FAAH: variants seen among roughly 807,000 people sequenced by gnomAD.
The protein encoded by FAAH is fatty acid amide hydrolase.
A neutral mutation model predicts 69.7 loss-of-function variants in FAAH; 63 were observed. The observed-to-expected ratio is 0.90, with a 90% CI of 0.74 to 1.12. FAAH has a LOEUF of 1.12. FAAH is among the 50% of genes most tolerant of loss of function. The pLI, the probability that FAAH is intolerant of heterozygous loss-of-function variation, is 0.00. For missense variants in FAAH, 680 were observed against 755.0 expected (o/e 0.90, Z 1.16); for synonymous variants, 305 against 324.2 (o/e 0.94, Z 0.64).
chr1:46,409,057 C>G (rs747570272), intron 8 of FAAH, 44 bp from the exon 9 acceptor site: 24 of 1,520,156 alleles, frequency 1.6e-5, no homozygotes, highest in Non-Finnish European at 2.2e-5. Flanking sequence ...GATCATGAAG[C>G]CAGTTGTTAG....
intron 1 of FAAH, among the ~76,000 whole-genome samples, chr1:46,397,438 G>T (rs1395775922): frequency 1.3e-5 from 2 of 152,216 alleles, no homozygotes; most frequent in Admixed American, 1.3e-4. Flanking sequence ...GAGGAGAAGC[G>T]GGAAATTACC....
chr1:46,412,287 T>C (rs1027413834), intron 13 of FAAH, 36 bp downstream of exon 13: 2 of 1,507,306 alleles, frequency 1.3e-6, no homozygotes, highest in African/African-American at 2.8e-5. Context: ...CTTCTGTGAA[T>C]CTGGCCATGT....
intron 2 of FAAH, among the ~76,000 whole-genome samples, chr1:46,402,521 T>C (rs1033741098): frequency 6.7e-6 from 1 of 148,658 alleles, no homozygotes; most frequent in Non-Finnish European, 1.5e-5. Flanking sequence ...TGTTCCCTTC[T>C]TTTTTTTTGA....
At chr1:46,412,795 A>T (rs868286445) in intron 13 of FAAH, among the ~76,000 whole-genome samples, 3 of 152,160 alleles carry the variant, frequency 2.0e-5, no homozygotes, top group Non-Finnish European at 2.9e-5. Context: ...TGGGTGACAG[A>T]GTGAGACTGT....
Position 46,413,712 on chromosome 1 carries a change from C to A in FAAH, c.*137C>A. Reference sequence around the variant, plus strand: ...CCGTGTCCTCTCCCCCAACCCCCTGCAAGAAGCGCCGACTCCCTGAGTCTG... The same window carrying A: ...CCGTGTCCTCTCCCCCAACCCCCTGAAAGAAGCGCCGACTCCCTGAGTCTG... On this transcript the variant is annotated 3_prime_UTR_variant, in exon 15 of 15. Transcript: ENST00000243167. The A allele has an allele frequency of 3.9e-6, 5 of 1,272,766 alleles. No homozygotes were observed. Among genetic ancestry groups the A allele is most frequent in the Non-Finnish European group, 5.5e-6 (5 of 903,876 alleles). 78.8% of individuals were successfully genotyped at this position (1,272,766 alleles called of 1,614,324 possible). A position where few individuals can be genotyped will look rare whatever the true frequency, so the allele number is the denominator to read the frequency against.
At chr1:46,403,498 C>T (rs1664740174) in intron 2 of FAAH, among the ~76,000 whole-genome samples, 1 of 152,238 alleles carries the variant, frequency 6.6e-6, no homozygotes, top group Non-Finnish European at 1.5e-5. Flanking sequence ...GCCTCCTGGT[C>T]AGGTGCCCTC....
At chr1:46,397,240 C>T (rs78365832) in intron 1 of FAAH, among the ~76,000 whole-genome samples, 81 of 152,376 alleles carry the variant, frequency 5.3e-4, no homozygotes, top group African/African-American at 1.8e-3. Context: ...GCAGAACTCC[C>T]CTCCTGGTTG....
chr1:46,405,462 G>T lies in FAAH; in HGVS notation c.535G>T (p.Ala179Ser). Residue 179 changes from alanine (A) to serine (S), a missense_variant, in exon 4 of 15, where the codon GCC becomes TCC. Ala to Ser is a moderately conservative substitution (Grantham distance 99). Transcript: ENST00000243167. This position sits in a 1 kb window ranked among gnomAD's most constrained non-coding sequence, Gnocchi z 4.1. ...VVVHVLKLQG[A>S]VPFVHTNVPQ... ...GGTGCATGTGCTGAAGCTGCAGGGT[G>T]CCGTGCCCTTCGTGCACACCAATGT... 1 of 1,611,550 alleles carries T rather than the reference G, an allele frequency of 6.2e-7. No homozygotes were observed. Among genetic ancestry groups the T allele is most frequent in the African/African-American group, 1.3e-5 (1 of 74,120 alleles).
chr1:46,410,770 G>A lies in FAAH; in HGVS notation c.1276-44G>A, dbSNP rs45516595. The A allele has an allele frequency of 1.7e-5, 27 of 1,613,436 alleles. No individual in the cohort carries two copies. In the Admixed American group the frequency reaches 3.2e-4, roughly 19 times the overall value. ...GGCCTGAAGAAGGTTGACGTCTGCC[G>A]TGGCCCAGAGCTGAGTCACCGACCC... On this transcript the variant is annotated intron_variant, in intron 10 of 14. Coordinates refer to ENST00000243167, the MANE Select transcript of FAAH (RefSeq NM_001441.3). The surrounding 1 kb of genome is among the most constrained non-coding windows in gnomAD (Gnocchi z 4.9).
rs1664783335 is a variant in FAAH at position 46,405,807 on chromosome 1, G to A, written c.785+13G>A. On this transcript the variant is annotated intron_variant, in intron 5 of 14. Transcript: ENST00000243167. The surrounding 1 kb of genome is among the most constrained non-coding windows in gnomAD (Gnocchi z 4.1). Reference sequence around the variant, plus strand: ...GGAACCGCCTCAGGTAAGGTGGGTGGAGGGCGCTTCTGGGCCCCTCGCTGT... The same window carrying A: ...GGAACCGCCTCAGGTAAGGTGGGTGAAGGGCGCTTCTGGGCCCCTCGCTGT... The A allele has an allele frequency of 6.2e-7, 1 of 1,613,060 alleles. No individual in the cohort carries two copies. The highest frequency in any genetic ancestry group is 1.7e-5 in the Admixed American group (1 of 60,014).
rs755424671 is a variant in FAAH at position 46,405,678 on chromosome 1, C to T, written c.669C>T (p.Ala223=). ...SPGGSSGGEG[A]LIGSGGSPLG... ...GGGGCTCCTCAGGGGGTGAAGGGGC[C>T]CTCATCGGGTCTGGAGGCTCCCCCC... The change falls in exon 5 of 15, where the codon GCC becomes GCT. Residue 223 remains alanine (A), a synonymous_variant. Transcript: ENST00000243167. The surrounding 1 kb of genome is among the most constrained non-coding windows in gnomAD (Gnocchi z 4.1). 6.2e-7 allele frequency: 1 copy of T among 1,613,582 alleles called. No homozygotes were observed. Among genetic ancestry groups the T allele is most frequent in the Non-Finnish European group, 8.5e-7 (1 of 1,180,044 alleles).
At chr1:46,395,176 G>C (rs1664575053) in intron 1 of FAAH, among the ~76,000 whole-genome samples, 1 of 152,198 alleles carries the variant, frequency 6.6e-6, no homozygotes. Context: ...CCTGACCTCA[G>C]TTGATACACC....
chr1:46,408,408 C>T (rs749426062), intron 7 of FAAH, 51 bp from the exon 8 acceptor site: 2 of 1,613,558 alleles, frequency 1.2e-6, no homozygotes, highest in South Asian at 1.1e-5. Context: ...GGGGTCCTGC[C>T]TAGGGTTGTC....
At position 46,413,729 on chromosome 1, in the gene FAAH, C is replaced by G; in HGVS notation, c.*154C>G. On this transcript the variant is annotated 3_prime_UTR_variant, in exon 15 of 15. Transcript: ENST00000243167. ...ACCCCCTGCAAGAAGCGCCGACTCC[C>G]TGAGTCTGGACCTCCATCCCTGCTC... is the stretch of plus-strand genomic sequence containing the variant. 9.2e-7 allele frequency: 1 copy of G among 1,082,822 alleles called. No individual in the cohort carries two copies. The allele number at this position is 1,082,822 out of a possible 1,614,324, so 67.1% of individuals were successfully genotyped here.
intron 1 of FAAH, among the ~76,000 whole-genome samples, chr1:46,395,403 G>A (rs984603039): frequency 6.6e-6 from 1 of 152,206 alleles, no homozygotes; most frequent in Non-Finnish European, 1.5e-5. Flanking sequence ...TTTAGTTCCA[G>A]CCCTCCGTGG....
In FAAH at chr1:46,413,691, G is replaced by A; in HGVS notation, c.*116G>A. On this transcript the variant is annotated 3_prime_UTR_variant, in exon 15 of 15. Coordinates refer to ENST00000243167, the MANE Select transcript of FAAH (RefSeq NM_001441.3). ...TCCTGCATGGGGCAGAGGCTTCCGT[G>A]TCCTCTCCCCCAACCCCCTGCAAGA... The A allele has an allele frequency of 6.7e-7, 1 of 1,482,352 alleles. No individual in the cohort carries two copies. The highest frequency in any genetic ancestry group is 9.3e-7 in the Non-Finnish European group (1 of 1,078,544). The allele number at this position is 1,482,352 out of a possible 1,614,324, so 91.8% of individuals were successfully genotyped here. A position where few individuals can be genotyped will look rare whatever the true frequency, so the allele number is the denominator to read the frequency against.
At chr1:46,402,055 G>C (rs200178333) in intron 1 of FAAH, 36 bp from the exon 2 acceptor site, 2 of 1,546,836 alleles carry the variant, frequency 1.3e-6, no homozygotes, top group Non-Finnish European at 8.8e-7. Flanking sequence ...TGAGACTTCG[G>C]CGAGTAGGGG....
In FAAH at chr1:46,411,136, G is replaced by GT. The variant is rs1664906529; in HGVS notation, c.1316+283dup. On this transcript the variant is annotated intron_variant, in intron 11 of 14. Coordinates refer to ENST00000243167, the MANE Select transcript of FAAH (RefSeq NM_001441.3). This position sits in a 1 kb window ranked among gnomAD's most constrained non-coding sequence, Gnocchi z 4.8. ...GGGCATGAGTGGAAAGGACCAGGAA[G>GT]TGGGGGTTGGCCTGGGCCAAGGGTG... Among the ~76,000 whole-genome samples, 1 of 152,242 alleles carries GT rather than the reference G, an allele frequency of 6.6e-6. No individual in the cohort carries two copies. Among genetic ancestry groups the GT allele is most frequent in the South Asian group, 2.1e-4 (1 of 4,836 alleles).
chr1:46,407,487 G>C (rs909661131), intron 7 of FAAH, among the ~76,000 whole-genome samples: 1 of 152,114 alleles, frequency 6.6e-6, no homozygotes, highest in African/African-American at 2.4e-5. Context: ...TGGAGGAGGT[G>C]GGGGAGTGGC....
Sources: allele counts gnomAD v4.1 joint callset (sites outside exome capture counted in the v4.1 genomes callset), GRCh38; gene constraint gnomAD v4.1.1; non-coding constraint Gnocchi (gnomAD v3.1); transcripts MANE v1.5; gene names NCBI Gene and HGNC (gene_info 2026-07-23, HGNC 2026-07-21).